Variants in RHOJ observed in about 807,000 individuals in gnomAD.
RHOJ encodes the protein ras homolog family member J, also known as rho-related GTP-binding protein RhoJ.
Under a neutral mutation model 23.4 loss-of-function variants are expected in RHOJ, and 11 were observed. That is an observed-to-expected ratio of 0.47 (90% confidence interval 0.30 to 0.78). The LOEUF is 0.78. Among genes scored for constraint, RHOJ ranks in the 30% least tolerant of loss-of-function variants. The probability of loss-of-function intolerance (pLI) is 0.08; values close to 1 mark genes in which losing one functional copy is unlikely to be tolerated. For missense variants in RHOJ, 254 were observed against 273.4 expected (o/e 0.93, Z 0.50); for synonymous variants, 102 against 102.7 (o/e 0.99, Z 0.04).
At chr14:63,225,310 T>A (rs1349157045) in intron 1 of RHOJ, among the ~76,000 whole-genome samples, 2 of 152,182 alleles carry the variant, frequency 1.3e-5, no homozygotes, top group Admixed American at 6.5e-5. Context: ...AAATTTTCCC[T>A]TGGAGCAACA....
At chr14:63,257,193 G>A (rs906152893) in intron 1 of RHOJ, among the ~76,000 whole-genome samples, 2 of 135,580 alleles carry the variant, frequency 1.5e-5, no homozygotes, top group South Asian at 2.3e-4. Flanking sequence ...AGACGAAATC[G>A]CACCACTGTA....
At chr14:63,280,922 G>A in intron 2 of RHOJ, 49 bp from the exon 3 acceptor site, 1 of 1,559,854 alleles carries the variant, frequency 6.4e-7, no homozygotes, top group South Asian at 1.2e-5. Context: ...GAACTACATG[G>A]GACACACCTT....
intron 1 of RHOJ, among the ~76,000 whole-genome samples, chr14:63,268,349 G>C (rs1895405467): frequency 6.6e-6 from 1 of 152,110 alleles, no homozygotes; most frequent in South Asian, 2.1e-4. Flanking sequence ...AGTGGTTGCT[G>C]TCCCTGTTTT....
chr14:63,256,452 G>A (rs1375697336), intron 1 of RHOJ, among the ~76,000 whole-genome samples: 2 of 152,134 alleles, frequency 1.3e-5, no homozygotes, highest in African/African-American at 4.8e-5. Context: ...AGGGGAGGGA[G>A]AGGCGTAAGC....
intron 4 of RHOJ, among the ~76,000 whole-genome samples, chr14:63,283,801 C>A (rs1445692552): frequency 6.6e-6 from 1 of 152,292 alleles, no homozygotes; most frequent in African/African-American, 2.4e-5. Flanking sequence ...AGAGCTGGAA[C>A]TGTTTTCATG....
intron 2 of RHOJ, among the ~76,000 whole-genome samples, chr14:63,275,257 A>T (rs889143817): frequency 6.6e-6 from 1 of 152,206 alleles, no homozygotes; most frequent in South Asian, 2.1e-4. Context: ...TCAAGACTCC[A>T]GTGAACTATG....
At chr14:63,242,880 T>A (rs1312092578) in intron 1 of RHOJ, among the ~76,000 whole-genome samples, 1 of 152,224 alleles carries the variant, frequency 6.6e-6, no homozygotes, top group East Asian at 1.9e-4. Context: ...ATGTGCAGTA[T>A]TTTTATATAA....
intron 1 of RHOJ, among the ~76,000 whole-genome samples, chr14:63,253,774 C>T (rs772935416): frequency 3.3e-5 from 5 of 152,202 alleles, no homozygotes; most frequent in Non-Finnish European, 5.9e-5. Flanking sequence ...TAAAAGAGAA[C>T]ATTTTTTGTT....
intron 1 of RHOJ, among the ~76,000 whole-genome samples, chr14:63,263,223 GAACT>G (rs1194462448): frequency 2.6e-5 from 4 of 152,274 alleles, no homozygotes; most frequent in African/African-American, 9.6e-5. Flanking sequence ...TTCGAATACA[GAACT>G]ATCTGACTTG....
intron 1 of RHOJ, among the ~76,000 whole-genome samples, chr14:63,227,105 C>T (rs768599500): frequency 2.6e-5 from 4 of 152,140 alleles, no homozygotes; most frequent in Non-Finnish European, 5.9e-5. Flanking sequence ...GCGCCTGCCA[C>T]CATGCCCAGC....
In RHOJ at chr14:63,269,144, C is replaced by T. The variant is rs10133216; in HGVS notation, c.213C>T (p.Leu71=). The change falls in exon 2 of 5, where the codon CTC becomes CTT. Residue 71 remains leucine (L), a synonymous_variant. Transcript: ENST00000316754. ...CTGTGGGAGGCAAGCAACACTTGCT[C>T]GGACTGTATGACACCGCGGGACAGG... is the stretch of plus-strand genomic sequence containing the variant. ...TVTVGGKQHL[L]GLYDTAGQED... is the part of the protein sequence containing the mutation. The T allele has an allele frequency of 0.05, 80,506 of 1,611,252 alleles. 2,653 individuals carry two copies. The highest frequency in any genetic ancestry group is 0.054 in the Non-Finnish European group (63,074 of 1,177,700).
chr14:63,216,752 G>C (rs1455635711), intron 1 of RHOJ, among the ~76,000 whole-genome samples: 2 of 152,172 alleles, frequency 1.3e-5, no homozygotes, highest in Non-Finnish European at 2.9e-5. Context: ...ACAAAGAGTT[G>C]ATGCTACATC....
chr14:63,222,558 C>G (rs946692726), intron 1 of RHOJ, among the ~76,000 whole-genome samples: 8 of 152,196 alleles, frequency 5.3e-5, no homozygotes, highest in Non-Finnish European at 1.0e-4. Context: ...TTGTGATTTG[C>G]ATTTCTCTGA....
intron 1 of RHOJ, among the ~76,000 whole-genome samples, chr14:63,212,845 A>ATT (rs970372604): frequency 3.3e-5 from 5 of 152,178 alleles, no homozygotes; most frequent in African/African-American, 9.7e-5. Flanking sequence ...ACATTCTGTC[A>ATT]TTTTCCGGTC....
intron 1 of RHOJ, among the ~76,000 whole-genome samples, chr14:63,206,770 T>C (rs1187438634): frequency 6.6e-6 from 1 of 152,196 alleles, no homozygotes; most frequent in Admixed American, 6.5e-5. Flanking sequence ...ATAATGTACA[T>C]ACTTACTATT....
At chr14:63,209,160 C>G (rs529082491) in intron 1 of RHOJ, among the ~76,000 whole-genome samples, 1 of 152,162 alleles carries the variant, frequency 6.6e-6, no homozygotes, top group Admixed American at 6.5e-5. Flanking sequence ...CCACCATCAT[C>G]TCTCATCCAA....
At chr14:63,248,127 A>G (rs924471651) in intron 1 of RHOJ, among the ~76,000 whole-genome samples, 9 of 152,346 alleles carry the variant, frequency 5.9e-5, no homozygotes, top group African/African-American at 2.2e-4. Flanking sequence ...CATATTAAGT[A>G]TCATATTAAT....
intron 1 of RHOJ, among the ~76,000 whole-genome samples, chr14:63,267,592 A>G (rs1895390662): frequency 6.6e-6 from 1 of 152,250 alleles, no homozygotes; most frequent in African/African-American, 2.4e-5. Flanking sequence ...ATTTAGGCAG[A>G]TTTCAGAAAC....
At chr14:63,207,995 G>A (rs1396809177) in intron 1 of RHOJ, among the ~76,000 whole-genome samples, 1 of 152,180 alleles carries the variant, frequency 6.6e-6, no homozygotes. Context: ...AAGGAAAAAT[G>A]TAATTACAAG....
Sources: gnomAD v4.1 joint callset for allele counts (sites outside exome capture counted in the v4.1 genomes callset) on GRCh38, gnomAD v4.1.1 for gene constraint, MANE v1.5 for transcripts, NCBI Gene and HGNC (gene_info 2026-07-23, HGNC 2026-07-21) for gene names.